SLC16A9: variants seen among roughly 807,000 people sequenced by gnomAD.
SLC16A9 encodes monocarboxylate transporter 9.
SLC16A9 carries 26 observed loss-of-function variants against 44.3 expected under a neutral mutation model. The ratio of observed to expected loss-of-function variants is 0.59; its 90% CI spans 0.43 to 0.81. The LOEUF (loss-of-function observed/expected upper bound fraction) is 0.81. Among genes scored for constraint, SLC16A9 ranks in the 40% least tolerant of loss-of-function variants. The pLI is 0.00. For missense variants in SLC16A9, 559 were observed against 595.8 expected (o/e 0.94, Z 0.64); for synonymous variants, 230 against 225.1 (o/e 1.02, Z -0.19).
At chr10:59,656,469 C>T (rs189271257) in intron 4 of SLC16A9, among the ~76,000 whole-genome samples, 3 of 152,298 alleles carry the variant, frequency 2.0e-5, no homozygotes, top group Non-Finnish European at 2.9e-5. Context: ...ATCAATTCAA[C>T]AGATATTTAT....
At chr10:59,668,797 A>G (rs529381293) in intron 3 of SLC16A9, among the ~76,000 whole-genome samples, 10 of 150,950 alleles carry the variant, frequency 6.6e-5, no homozygotes, top group African/African-American at 2.2e-4. Flanking sequence ...CTCAGACTAC[A>G]TTAAAAAATC....
At chr10:59,701,463 C>T (rs527428454) in intron 1 of SLC16A9, among the ~76,000 whole-genome samples, 35 of 152,324 alleles carry the variant, frequency 2.3e-4, no homozygotes, top group African/African-American at 8.4e-4. Context: ...ATTAGCAGAG[C>T]ACAAGGTTTT....
chr10:59,664,355 C>T (rs369416577), intron 3 of SLC16A9, 33 bp from the exon 4 acceptor site: 134 of 1,421,600 alleles, frequency 9.4e-5, no homozygotes, highest in Non-Finnish European at 1.1e-4. Context: ...TAAATTAAGA[C>T]GCTGCATTAC....
chr10:59,687,270 A>G (rs1840155745), intron 1 of SLC16A9, among the ~76,000 whole-genome samples: 1 of 152,222 alleles, frequency 6.6e-6, no homozygotes, highest in Non-Finnish European at 1.5e-5. Context: ...TAACAAAAGT[A>G]TACATTTTTG....
rs574502079 is a variant in SLC16A9 at position 59,661,822 on chromosome 10, A to G, written c.436+2405T>C. On this transcript the variant is annotated intron_variant, in intron 4 of 5. Coordinates refer to ENST00000395348, the MANE Select transcript of SLC16A9 (RefSeq NM_194298.3). ...ATAGAACAGAACAGAGGCCTCAGAA[A>G]TAACACCACACATATACAACCATCT... 1.3e-4 allele frequency among the ~76,000 whole-genome samples: 19 copies of G among 151,366 alleles called. No individual in the cohort carries two copies. In the South Asian group the frequency reaches 2.9e-3, roughly 23 times the overall value.
chr10:59,701,222 T>G (rs1840516095), intron 1 of SLC16A9, among the ~76,000 whole-genome samples: 1 of 152,036 alleles, frequency 6.6e-6, no homozygotes, highest in Non-Finnish European at 1.5e-5. Flanking sequence ...CATCCTAGGG[T>G]CCCCCAAAGA....
chr10:59,696,152 C>G (rs1027856111), intron 1 of SLC16A9, among the ~76,000 whole-genome samples: 11 of 152,178 alleles, frequency 7.2e-5, no homozygotes, highest in Non-Finnish European at 7.3e-5. Context: ...CTCTGATGCC[C>G]AGCCGAAGCT....
chr10:59,672,789 A>G lies in SLC16A9; in HGVS notation c.321T>C (p.Phe107=). 1 of 1,613,486 alleles carries G rather than the reference A, an allele frequency of 6.2e-7. No homozygotes were observed. The highest frequency in any genetic ancestry group is 2.2e-5 in the East Asian group (1 of 44,866). Residue 107 remains phenylalanine (F), a synonymous_variant, in exon 3 of 6, where the codon TTT becomes TTC. Transcript: ENST00000395348. ...SFAPNIYFLF[F]SYGIVVGLGC... is the part of the protein sequence containing the mutation. ...CCTTACCTACAACAATGCCATAGGA[A>G]AAAAACAGAAAGTAGATATTGGGAG...
intron 3 of SLC16A9, among the ~76,000 whole-genome samples, chr10:59,670,857 C>G (rs1029058215): frequency 6.6e-6 from 1 of 151,996 alleles, no homozygotes; most frequent in African/African-American, 2.4e-5. Flanking sequence ...ATACTATGAG[C>G]CTACTGATGA....
In SLC16A9 at chr10:59,660,249, C is replaced by T. The variant is rs576945906; in HGVS notation, c.436+3978G>A. Among the ~76,000 whole-genome samples, 10 of 151,972 alleles carry T rather than the reference C, an allele frequency of 6.6e-5. No individual in the cohort carries two copies. In the South Asian group the frequency reaches 1.0e-3, roughly 16 times the overall value. On this transcript the variant is annotated intron_variant, in intron 4 of 5. Coordinates refer to ENST00000395348, the MANE Select transcript of SLC16A9 (RefSeq NM_194298.3). The stretch of plus-strand genomic sequence containing the variant: ...GAAAAAATTAACAAAATACATAGAC[C>T]GCTAGCCAGACTAATAAGTAAGAAA...
intron 1 of SLC16A9, among the ~76,000 whole-genome samples, chr10:59,707,577 C>T (rs557421899): frequency 3.5e-3 from 306 of 86,982 alleles, no homozygotes; most frequent in Middle Eastern, 6.0e-3. Flanking sequence ...GAAGTGTTCT[C>T]ACCACACCAA....
At chr10:59,678,018 C>G (rs1363225905) in intron 2 of SLC16A9, among the ~76,000 whole-genome samples, 1 of 148,714 alleles carries the variant, frequency 6.7e-6, no homozygotes, top group East Asian at 2.0e-4. Context: ...GTATATCTCC[C>G]AATGCTATCC....
rs1175388292 is a variant in SLC16A9, at chr10:59,651,012, T to C, written c.*1760A>G. 6.6e-6 allele frequency: 1 copy of C among 151,976 alleles called. No individual in the cohort carries two copies. Among genetic ancestry groups the C allele is most frequent in the Non-Finnish European group, 1.5e-5 (1 of 67,986 alleles). 9.4% of individuals were successfully genotyped at this position (151,976 alleles called of 1,614,324 possible). Reference sequence around the variant, plus strand: ...GTTTTTTTTTTTTTTATGTCACTTATTTTATTTACTAACCTTGACAGGGAC... The same window carrying C: ...GTTTTTTTTTTTTTTATGTCACTTACTTTATTTACTAACCTTGACAGGGAC... On this transcript the variant is annotated 3_prime_UTR_variant, in exon 6 of 6. Coordinates refer to ENST00000395348, the MANE Select transcript of SLC16A9 (RefSeq NM_194298.3).
chr10:59,695,562 C>T (rs1840353193), intron 1 of SLC16A9, among the ~76,000 whole-genome samples: 1 of 152,174 alleles, frequency 6.6e-6, no homozygotes, highest in South Asian at 2.1e-4. Flanking sequence ...CCCACCTCGT[C>T]AATGGCCCTC....
At chr10:59,662,274 TAAAC>T (rs112484792) in intron 4 of SLC16A9, among the ~76,000 whole-genome samples, 8 of 148,366 alleles carry the variant, frequency 5.4e-5, no homozygotes, top group African/African-American at 2.0e-4. Flanking sequence ...ACAAGGAACA[TAAAC>T]AAATTTACAA....
At chr10:59,682,000 T>A (rs1383210354) in intron 2 of SLC16A9, among the ~76,000 whole-genome samples, 1 of 151,960 alleles carries the variant, frequency 6.6e-6, no homozygotes, top group African/African-American at 2.4e-5. Flanking sequence ...AAAGCTTTGC[T>A]CACCAGGTGC....
At chr10:59,688,931 G>A (rs918404439) in intron 1 of SLC16A9, among the ~76,000 whole-genome samples, 1 of 151,972 alleles carries the variant, frequency 6.6e-6, no homozygotes, top group Non-Finnish European at 1.5e-5. Flanking sequence ...AACCTAAGTA[G>A]ACAAAAATGC....
At chr10:59,672,957 T>C (rs1839786700) in intron 2 of SLC16A9, 44 bp from the exon 3 acceptor site, 1 of 1,555,544 alleles carries the variant, frequency 6.4e-7, no homozygotes. Flanking sequence ...ATATGATCCA[T>C]CCATCATAAG....
At chr10:59,672,305 T>C (rs1048320265) in intron 3 of SLC16A9, among the ~76,000 whole-genome samples, 1 of 152,168 alleles carries the variant, frequency 6.6e-6, no homozygotes, top group Non-Finnish European at 1.5e-5. Context: ...AAATCTACTT[T>C]TTACTTGTGC....
Sources: gnomAD v4.1 joint callset for allele counts (sites outside exome capture counted in the v4.1 genomes callset) on GRCh38, gnomAD v4.1.1 for gene constraint, MANE v1.5 for transcripts, NCBI Gene and HGNC (gene_info 2026-07-23, HGNC 2026-07-21) for gene names.